CCDC80: variants seen among roughly 807,000 people sequenced by gnomAD.
The protein encoded by CCDC80 is coiled-coil domain-containing protein 80.
CCDC80 carries 49 observed loss-of-function variants against 78.7 expected under a neutral mutation model. The ratio of observed to expected loss-of-function variants is 0.62; its 90% CI spans 0.50 to 0.79. CCDC80 has a LOEUF of 0.79. Ranked by LOEUF, CCDC80 falls within the 30% of genes least tolerant of loss-of-function variation. The probability of loss-of-function intolerance (pLI) is 0.00; values close to 1 mark genes in which losing one functional copy is unlikely to be tolerated. For missense variants in CCDC80, 1,205 were observed against 1,198.6 expected, an observed-to-expected ratio of 1.01 and a Z score of -0.08; for synonymous variants, 488 against 447.0, an observed-to-expected ratio of 1.09 and a Z score of -1.16.
Position 112,602,469 on chromosome 3 carries a change from C to T in CCDC80, c.*2948G>A, listed in dbSNP as rs551454778. On this transcript the variant is annotated 3_prime_UTR_variant, in exon 8 of 8. Transcript: ENST00000206423. ...AGCTGAGACAGGCTGAAAGCTAAGC[C>T]TCTTATGCCAAACAACCAAGTTGTA... 29 of 152,298 alleles carry T rather than the reference C, an allele frequency of 1.9e-4. No homozygotes were observed. Among genetic ancestry groups the T allele is most frequent in the African/African-American group, 6.7e-4 (28 of 41,568 alleles). The allele number at this position is 152,298 out of a possible 1,614,324, so 9.4% of individuals were successfully genotyped here. A position where few individuals can be genotyped will look rare whatever the true frequency, so the allele number is the denominator to read the frequency against.
chr3:112,628,591 A>C (rs554611779), intron 3 of CCDC80, among the ~76,000 whole-genome samples: 45 of 152,174 alleles, frequency 3.0e-4, no homozygotes, highest in Non-Finnish European at 5.1e-4. Context: ...TAGCTTGCCC[A>C]AGGTCACACA....
rs1309310673 is a variant in CCDC80 at position 112,638,119 on chromosome 3, T to G, written c.1787A>C (p.Tyr596Ser). ...GAAGTGTTTGTTGGTGGGTTTCTGA[T>G]AGCCATCCTGTTCTGTTTTACCTCC... ...KKGGKTEQDG[Y>S]QKPTNKHFTQ... The change falls in exon 2 of 8, where the codon TAT becomes TCT. Residue 596 changes from tyrosine (Y) to serine (S), a missense_variant. By Grantham distance (144) the Tyr-to-Ser change is moderately radical (BLOSUM62 -2). Coordinates refer to ENST00000206423, the MANE Select transcript of CCDC80 (RefSeq NM_199511.3). The G allele has an allele frequency of 1.2e-6, 2 of 1,614,092 alleles. No homozygotes were observed. The highest frequency in any genetic ancestry group is 2.2e-5 in the East Asian group (1 of 44,900).
intron 5 of CCDC80, among the ~76,000 whole-genome samples, chr3:112,616,458 A>G (rs1935750070): frequency 6.6e-6 from 1 of 151,632 alleles, no homozygotes; most frequent in African/African-American, 2.4e-5. Context: ...AGAAAAAAAA[A>G]AAAACAGAGA....
chr3:112,630,697 T>C (rs992765181), intron 2 of CCDC80, among the ~76,000 whole-genome samples: 1 of 152,204 alleles, frequency 6.6e-6, no homozygotes, highest in African/African-American at 2.4e-5. Flanking sequence ...GTTACTACTA[T>C]TATTCACATT....
chr3:112,618,092 G>C (rs907655661), intron 4 of CCDC80, among the ~76,000 whole-genome samples: 1 of 152,200 alleles, frequency 6.6e-6, no homozygotes, highest in Non-Finnish European at 1.5e-5. Flanking sequence ...GGATTGCAAA[G>C]GGTTGAAGAA....
At chr3:112,616,053 T>C (rs141987450) in intron 5 of CCDC80, among the ~76,000 whole-genome samples, 25 of 152,292 alleles carry the variant, frequency 1.6e-4, no homozygotes, top group Admixed American at 3.9e-4. Context: ...CCAAGAACCC[T>C]CTCTTGGAGT....
chr3:112,606,705 G>A (rs545882595), intron 7 of CCDC80, among the ~76,000 whole-genome samples: 46 of 152,234 alleles, frequency 3.0e-4, no homozygotes, highest in Admixed American at 2.7e-3. Context: ...GATTACAGAC[G>A]TGAGCCACCA....
Position 112,638,395 on chromosome 3 carries a change from T to C in CCDC80, c.1511A>G (p.Asn504Ser). ...KKKAQDKILS[N>S]EYEEKYDLSR... is the part of the protein sequence containing the mutation. ...GAGGTCATACTTCTCCTCATACTCA[T>C]TACTAAGAATTTTGTCCTGGGCCTT... Residue 504 changes from asparagine to serine, a missense_variant, in exon 2 of 8, where the codon AAT (asparagine) becomes AGT (serine). Physicochemically the swap from Asn to Ser is conservative, Grantham distance 46. Coordinates refer to ENST00000206423, the MANE Select transcript of CCDC80 (RefSeq NM_199511.3). 1 of 1,614,004 alleles carries C rather than the reference T, an allele frequency of 6.2e-7. No individual in the cohort carries two copies. The highest frequency in any genetic ancestry group is 1.1e-5 in the South Asian group (1 of 91,070).
intron 2 of CCDC80, among the ~76,000 whole-genome samples, chr3:112,631,005 T>C (rs1936087051): frequency 6.6e-6 from 1 of 151,926 alleles, no homozygotes; most frequent in African/African-American, 2.4e-5. Context: ...ATGACCCCTG[T>C]CTTCTGGGGG....
At position 112,639,222 on chromosome 3, in the gene CCDC80, C is replaced by T. The variant is rs1210600584; in HGVS notation, c.684G>A (p.Leu228=). The T allele has an allele frequency of 6.2e-7, 1 of 1,614,206 alleles. No individual in the cohort carries two copies. Among genetic ancestry groups the T allele is most frequent in the Non-Finnish European group, 8.5e-7 (1 of 1,180,032 alleles). The part of the protein sequence containing the change: ...LIPKLMSFLK[L]EKGKFGMVLL... ...GCACCATGCCAAACTTGCCCTTCTC[C>T]AGCTTCAGGAAGCTCATCAGCTTAG... The change falls in exon 2 of 8, where the codon CTG becomes CTA. Residue 228 remains leucine (L), a synonymous_variant. Transcript: ENST00000206423.
chr3:112,627,866 G>GGA (rs752252800), intron 3 of CCDC80, among the ~76,000 whole-genome samples: 10 of 119,952 alleles, frequency 8.3e-5, no homozygotes, highest in African/African-American at 1.7e-4. Context: ...CAATAAGGCA[G>GGA]AAAAAAAAAA....
At position 112,638,963 on chromosome 3, in the gene CCDC80, G is replaced by T; in HGVS notation, c.943C>A (p.Pro315Thr). 1 of 1,612,644 alleles carries T rather than the reference G, an allele frequency of 6.2e-7. No individual in the cohort carries two copies. Residue 315 changes from proline (P) to threonine (T), a missense_variant, in exon 2 of 8, where the codon CCA (proline) becomes ACA (threonine). Pro to Thr is a conservative substitution (Grantham distance 38, BLOSUM62 -1). Transcript: ENST00000206423. ...GTTGGTGGGACTTGTGCTCTCCTTG[G>T]GTCCTCTTTCTTCTTCTCGCTGCCC... ...SLGSEKKKEDPRRAQVPPTRE... is the reference protein window; with the variant it reads ...SLGSEKKKEDTRRAQVPPTRE...
intron 3 of CCDC80, among the ~76,000 whole-genome samples, chr3:112,624,752 T>A (rs1935933820): frequency 6.6e-6 from 1 of 152,198 alleles, no homozygotes; most frequent in Non-Finnish European, 1.5e-5. Context: ...AAGTTATAAA[T>A]ATATTTGAAA....
Position 112,640,044 on chromosome 3 carries a change from T to G in CCDC80, c.-11-128A>C, listed in dbSNP as rs548038049. 82 of 1,434,780 alleles carry G rather than the reference T, an allele frequency of 5.7e-5. No homozygotes were observed. In the South Asian group the frequency reaches 8.0e-4, roughly 14 times the overall value. 88.9% of individuals were successfully genotyped at this position (1,434,780 alleles called of 1,614,324 possible). Reference sequence around the variant, plus strand: ...GCCAAGGGGAGGGGAAAAGGTTGGTTAGAGAGAAGGAGGGAGGTCAGGAGA... The same window carrying G: ...GCCAAGGGGAGGGGAAAAGGTTGGTGAGAGAGAAGGAGGGAGGTCAGGAGA... On this transcript the variant is annotated intron_variant, in intron 1 of 7. Transcript: ENST00000206423.
chr3:112,629,936 A>C (rs1281766478), intron 3 of CCDC80, among the ~76,000 whole-genome samples, 177 bp downstream of exon 3: 1 of 152,218 alleles, frequency 6.6e-6, no homozygotes, highest in East Asian at 1.9e-4. Flanking sequence ...AACTTAAACG[A>C]GAACCATCCT....
chr3:112,619,850 T>C (rs983683074), intron 3 of CCDC80, among the ~76,000 whole-genome samples: 1 of 152,192 alleles, frequency 6.6e-6, no homozygotes, highest in Admixed American at 6.5e-5. Context: ...ACATGGCAAC[T>C]TGTATGTCAG....
At chr3:112,628,328 C>A (rs1936022785) in intron 3 of CCDC80, among the ~76,000 whole-genome samples, 1 of 152,138 alleles carries the variant, frequency 6.6e-6, no homozygotes, top group South Asian at 2.1e-4. Context: ...GCAGCCTGAT[C>A]TGGATGAGCT....
intron 2 of CCDC80, among the ~76,000 whole-genome samples, chr3:112,631,320 C>T (rs1443881980): frequency 6.6e-6 from 1 of 152,086 alleles, no homozygotes; most frequent in Admixed American, 6.6e-5. Flanking sequence ...TGCTGCTTAC[C>T]TTGGAGGTGG....
At position 112,621,912 on chromosome 3, in the gene CCDC80, G is replaced by A. The variant is rs543988428; in HGVS notation, c.2036-2808C>T. ...TTGCAGCTCAAATTTTCCCTGTCCA[G>A]TCTTGTATCTCTCACCCCTCATAAG... On this transcript the variant is annotated intron_variant, in intron 3 of 7. Transcript: ENST00000206423. Among the ~76,000 whole-genome samples, 7 of 152,316 alleles carry A rather than the reference G, an allele frequency of 4.6e-5. No homozygotes were observed. In the East Asian group the frequency reaches 1.2e-3, roughly 25 times the overall value.
Sources: allele counts gnomAD v4.1 joint callset (sites outside exome capture counted in the v4.1 genomes callset), GRCh38; gene constraint gnomAD v4.1.1; transcripts MANE v1.5; gene names NCBI Gene and HGNC (gene_info 2026-07-23, HGNC 2026-07-21).